Variants in NCEH1 observed in about 807,000 individuals in gnomAD.
NCEH1 encodes 2-acetyl MAGE hydrolase.
In NCEH1, 9 loss-of-function variants were observed where a neutral mutation model predicts 25.4. The ratio of observed to expected loss-of-function variants is 0.35; its 90% CI spans 0.21 to 0.62. NCEH1 has a LOEUF of 0.62. NCEH1 is among the 20% of genes least tolerant of loss of function. NCEH1 has a pLI of 0.72. For synonymous variants in NCEH1, 200 were observed against 199.8 expected, an observed-to-expected ratio of 1.00 and a Z score of -0.01; for missense variants, 412 against 501.1, an observed-to-expected ratio of 0.82 and a Z score of 1.70.
chr3:172,697,674 G>A (rs574611765), intron 1 of NCEH1, among the ~76,000 whole-genome samples: 213 of 150,984 alleles, frequency 1.4e-3, no homozygotes, highest in Non-Finnish European at 2.7e-3. Context: ...TGGAGGGAGA[G>A]GAGGGAGAAG....
chr3:172,644,067 G>A (rs1448392101), intron 3 of NCEH1, among the ~76,000 whole-genome samples: 1 of 152,110 alleles, frequency 6.6e-6, no homozygotes, highest in Non-Finnish European at 1.5e-5. Flanking sequence ...GGCTCCAGCT[G>A]TCTGGACTCT....
chr3:172,701,148 G>A (rs1713652404), intron 1 of NCEH1, among the ~76,000 whole-genome samples: 1 of 152,096 alleles, frequency 6.6e-6, no homozygotes, highest in Non-Finnish European at 1.5e-5. Context: ...CTGAGCTCTG[G>A]ATCTGTATAT....
chr3:172,657,064 C>T (rs999298775), intron 1 of NCEH1, among the ~76,000 whole-genome samples: 6 of 152,106 alleles, frequency 3.9e-5, no homozygotes, highest in Admixed American at 2.0e-4. Context: ...TTGGTTCTTA[C>T]ACTCCTGACC....
intron 1 of NCEH1, among the ~76,000 whole-genome samples, chr3:172,659,160 C>A (rs1396724903): frequency 6.6e-6 from 1 of 151,996 alleles, no homozygotes; most frequent in Non-Finnish European, 1.5e-5. Flanking sequence ...GGAGTTTGGT[C>A]AGGGTGGTGG....
Position 172,642,603 on chromosome 3 carries a change from C to CAAAAAAAAAAAAAAAAAA in NCEH1, c.437+3002_437+3019dup, listed in dbSNP as rs66551744. ...AAGGATTACTATCTTGCTATTTCTA[C>CAAAAAAAAAAAAAAAAAA]AAAAAAAAAAAAAAAAAAAAAGAAA... On this transcript the variant is annotated intron_variant, in intron 3 of 4. Coordinates refer to ENST00000475381, the MANE Select transcript of NCEH1 (RefSeq NM_020792.6). Among the ~76,000 whole-genome samples the CAAAAAAAAAAAAAAAAAA allele has an allele frequency of 1.5e-4, 13 of 83,898 alleles. 1 individual carries two copies. Among genetic ancestry groups the CAAAAAAAAAAAAAAAAAA allele is most frequent in the East Asian group, 2.9e-4 (1 of 3,420 alleles). 55.0% of individuals were successfully genotyped at this position (83,898 alleles called of 152,430 possible).
At chr3:172,664,539 A>T (rs1337352666) in intron 1 of NCEH1, among the ~76,000 whole-genome samples, 3 of 152,180 alleles carry the variant, frequency 2.0e-5, no homozygotes, top group Non-Finnish European at 4.4e-5. Flanking sequence ...CTCCTGGATA[A>T]TATCCTGCAG....
chr3:172,678,459 A>C (rs1362767055), intron 1 of NCEH1, among the ~76,000 whole-genome samples: 3 of 152,220 alleles, frequency 2.0e-5, no homozygotes, highest in Non-Finnish European at 4.4e-5. Flanking sequence ...TCTTGTTTTA[A>C]CGGATCCAAG....
At chr3:172,674,002 T>A (rs568573164) in intron 1 of NCEH1, among the ~76,000 whole-genome samples, 1 of 152,348 alleles carries the variant, frequency 6.6e-6, no homozygotes, top group South Asian at 2.1e-4. Context: ...AGAAAAGCTC[T>A]AAATTGGTTA....
chr3:172,648,150 C>T (rs1263246093), intron 1 of NCEH1, 36 bp from the exon 2 acceptor site: 2 of 1,611,648 alleles, frequency 1.2e-6, no homozygotes, highest in East Asian at 2.2e-5. Flanking sequence ...AGGGAGGGCG[C>T]ACGTCAACTT....
chr3:172,697,970 A>ATTTTTTTTTTTTTTTTTTTTTTTTT, intron 1 of NCEH1, among the ~76,000 whole-genome samples: 1 of 101,094 alleles, frequency 9.9e-6, no homozygotes, highest in Non-Finnish European at 1.9e-5. Flanking sequence ...TAAAAGCAGA[A>ATTTTTTTTTTTTTTTTTTTTTTTTT]TTTTTTTTTT....
chr3:172,662,592 C>T (rs986958112), intron 1 of NCEH1, among the ~76,000 whole-genome samples: 4 of 152,208 alleles, frequency 2.6e-5, no homozygotes, highest in Middle Eastern at 3.4e-3. Flanking sequence ...ATCTGTCTGG[C>T]CCTGGAATTT....
At chr3:172,666,117 C>A (rs1718195158) in intron 1 of NCEH1, among the ~76,000 whole-genome samples, 1 of 152,020 alleles carries the variant, frequency 6.6e-6, no homozygotes, top group Non-Finnish European at 1.5e-5. Context: ...GAACCCAAGC[C>A]ATTTCTTTTC....
At chr3:172,635,598 T>C (rs1319736052) in intron 4 of NCEH1, among the ~76,000 whole-genome samples, 2 of 152,096 alleles carry the variant, frequency 1.3e-5, no homozygotes, top group African/African-American at 4.8e-5. Flanking sequence ...GATTTGCAAG[T>C]CAAACATGAA....
chr3:172,671,468 G>C (rs1270028573), intron 1 of NCEH1, among the ~76,000 whole-genome samples: 2 of 150,638 alleles, frequency 1.3e-5, no homozygotes, highest in South Asian at 2.1e-4. Flanking sequence ...CCAGGCTCTT[G>C]GTTCTAGCAC....
rs1224523936 is a variant in NCEH1 at position 172,631,411 on chromosome 3, G to T, written c.*2064C>A. The T allele has an allele frequency of 2.0e-5, 3 of 151,902 alleles. No individual in the cohort carries two copies. Among genetic ancestry groups the T allele is most frequent in the Non-Finnish European group, 4.4e-5 (3 of 67,946 alleles). The allele number at this position is 151,902 out of a possible 1,614,324, so 9.4% of individuals were successfully genotyped here. A position where few individuals can be genotyped will look rare whatever the true frequency, so the allele number is the denominator to read the frequency against. ...TTTTTTTTAGGAAAAAAAGACCTTCGATGATGCAGGTGTCTGTGTATAAGG... is the reference window on the plus strand; with the variant it reads ...TTTTTTTTAGGAAAAAAAGACCTTCTATGATGCAGGTGTCTGTGTATAAGG... On this transcript the variant is annotated 3_prime_UTR_variant, in exon 5 of 5. Coordinates refer to ENST00000475381, the MANE Select transcript of NCEH1 (RefSeq NM_020792.6).
intron 1 of NCEH1, among the ~76,000 whole-genome samples, chr3:172,687,084 T>G (rs1176962076): frequency 3.9e-5 from 6 of 152,210 alleles, no homozygotes; most frequent in Admixed American, 3.9e-4. Context: ...TGACAGAAGC[T>G]TTCACTGATG....
At chr3:172,677,390 C>A (rs1712072337) in intron 1 of NCEH1, among the ~76,000 whole-genome samples, 1 of 152,290 alleles carries the variant, frequency 6.6e-6, no homozygotes, top group South Asian at 2.1e-4. Flanking sequence ...ATTAAGTACC[C>A]TTTTGTACAC....
At chr3:172,661,548 T>C (rs1383636866) in intron 1 of NCEH1, among the ~76,000 whole-genome samples, 3 of 152,254 alleles carry the variant, frequency 2.0e-5, no homozygotes. Flanking sequence ...ATGGAATTTA[T>C]AAATTTCCTT....
intron 3 of NCEH1, among the ~76,000 whole-genome samples, chr3:172,638,324 A>G (rs1313405774): frequency 2.7e-5 from 4 of 149,402 alleles, no homozygotes; most frequent in Non-Finnish European, 5.9e-5. Flanking sequence ...AGCGTTTGCC[A>G]TATAGCAGAT....
Sources: gnomAD v4.1 joint callset for allele counts (sites outside exome capture counted in the v4.1 genomes callset) on GRCh38, gnomAD v4.1.1 for gene constraint, MANE v1.5 for transcripts, NCBI Gene and HGNC (gene_info 2026-07-23, HGNC 2026-07-21) for gene names.